ADAMTS15: variants seen among roughly 807,000 people sequenced by gnomAD.
ADAMTS15 encodes the protein A disintegrin and metalloproteinase with thrombospondin motifs 15.
A neutral mutation model predicts 79.1 loss-of-function variants in ADAMTS15; 35 were observed. The observed-to-expected ratio is 0.44, with a 90% CI of 0.34 to 0.59. The LOEUF is 0.59. Ranked by LOEUF, ADAMTS15 falls within the 20% of genes least tolerant of loss-of-function variation. The pLI, the probability that ADAMTS15 is intolerant of heterozygous loss-of-function variation, is 0.02. For synonymous variants in ADAMTS15, 616 were observed against 567.3 expected (o/e 1.09, Z -1.22); for missense variants, 1,324 against 1,318.7 (o/e 1.00, Z -0.06).
chr11:130,463,098 G>C (rs1229984815), intron 4 of ADAMTS15, among the ~76,000 whole-genome samples: 1 of 152,186 alleles, frequency 6.6e-6, no homozygotes, highest in Non-Finnish European at 1.5e-5. Flanking sequence ...AGGAGCTCTG[G>C]GCTCAAAACT....
intron 5 of ADAMTS15, among the ~76,000 whole-genome samples, chr11:130,470,509 G>A (rs1938428306): frequency 6.6e-6 from 1 of 151,936 alleles, no homozygotes; most frequent in Non-Finnish European, 1.5e-5. Flanking sequence ...GAGCCAGTGT[G>A]TCCAGCACTG....
chr11:130,470,162 A>ATATATACATG (rs1938405844), intron 5 of ADAMTS15, among the ~76,000 whole-genome samples: 1 of 56,602 alleles, frequency 1.8e-5, no homozygotes, highest in Non-Finnish European at 3.3e-5. Context: ...GTGTATATAT[A>ATATATACATG]TATATATATA....
At chr11:130,459,314 AC>A (rs1938151923) in intron 1 of ADAMTS15, among the ~76,000 whole-genome samples, 1 of 152,124 alleles carries the variant, frequency 6.6e-6, no homozygotes, top group African/African-American at 2.4e-5. Flanking sequence ...ACAGGTGTGC[AC>A]CATCATGCCT....
chr11:130,468,405 C>T (rs546491664), intron 4 of ADAMTS15, among the ~76,000 whole-genome samples: 27 of 151,672 alleles, frequency 1.8e-4, no homozygotes, highest in Non-Finnish European at 3.7e-4. Context: ...CTGAGAAGGG[C>T]GGATCACTTG....
rs1938487765 is a variant in ADAMTS15 at position 130,472,951 on chromosome 11, C to T, written c.2079-96C>T. On this transcript the variant is annotated intron_variant, in intron 7 of 7. Transcript: ENST00000299164. This position sits in a 1 kb window ranked among gnomAD's most constrained non-coding sequence, Gnocchi z 4.7. The stretch of plus-strand genomic sequence containing the variant: ...GCTTTTACTCCCATGCCAGAATTCA[C>T]CGAAAGCTAGGTTTACTGAGGAAAA... 17 of 1,519,256 alleles carry T rather than the reference C, an allele frequency of 1.1e-5. No homozygotes were observed. Among genetic ancestry groups the T allele is most frequent in the Non-Finnish European group, 1.4e-5 (16 of 1,126,500 alleles). 94.1% of individuals were successfully genotyped at this position (1,519,256 alleles called of 1,614,324 possible). A position where few individuals can be genotyped will look rare whatever the true frequency, so the allele number is the denominator to read the frequency against.
intron 7 of ADAMTS15, 54 bp downstream of exon 7, chr11:130,471,437 T>C (rs1014438235): frequency 6.4e-7 from 1 of 1,569,706 alleles, no homozygotes; most frequent in Non-Finnish European, 8.6e-7. Flanking sequence ...GGAGGTGGAG[T>C]TTCCCAGGGT....
At position 130,470,164 on chromosome 11, in the gene ADAMTS15, A is replaced by ATATATATG. The variant is rs1565397699; in HGVS notation, c.1720+732_1720+733insGTATATAT. Among the ~76,000 whole-genome samples, 164 of 58,210 alleles carry ATATATATG rather than the reference A, an allele frequency of 2.8e-3. 3 individuals are homozygous for ATATATATG. Among genetic ancestry groups the ATATATATG allele is most frequent in the Non-Finnish European group, 4.0e-3 (124 of 31,080 alleles). 38.2% of individuals were successfully genotyped at this position (58,210 alleles called of 152,430 possible). ...TATATATATATATGTGTATATATAT[A>ATATATATG]TATATATATATATATATGTGTGTAT... On this transcript the variant is annotated intron_variant, in intron 5 of 7. Transcript: ENST00000299164.
Position 130,449,076 on chromosome 11 carries a change from A to T in ADAMTS15, c.103A>T (p.Ile35Phe). 1 of 1,577,282 alleles carries T rather than the reference A, an allele frequency of 6.3e-7. No homozygotes were observed. The highest frequency in any genetic ancestry group is 8.6e-7 in the Non-Finnish European group (1 of 1,157,800). Reference sequence around the variant, plus strand: ...CGTTCCCATCCGACTGGACCCGGACATTAACGGCCGCCGCTACTACTGGCG... The same window carrying T: ...CGTTCCCATCCGACTGGACCCGGACTTTAACGGCCGCCGCTACTACTGGCG... ...VVVPIRLDPD[I>F]NGRRYYWRGP... The change falls in exon 1 of 8, where the codon ATT (isoleucine) becomes TTT (phenylalanine). Residue 35 changes from isoleucine (I) to phenylalanine (F), a missense_variant. Transcript: ENST00000299164. The surrounding 1 kb of genome is among the most constrained non-coding windows in gnomAD (Gnocchi z 7.8).
chr11:130,470,184 GTGTATATATATA>G (rs1938415587), intron 5 of ADAMTS15, among the ~76,000 whole-genome samples: 2 of 50,184 alleles, frequency 4.0e-5, no homozygotes, highest in East Asian at 1.0e-3. Flanking sequence ...ATATATATGT[GTGTATATATATA>G]TATATATATA....
intron 1 of ADAMTS15, chr11:130,450,459 G>A: frequency 1.0e-6 from 1 of 984,360 alleles, no homozygotes; most frequent in Non-Finnish European, 1.2e-6. Context: ...TGGAAAGCCT[G>A]GATTGGGGTG....
chr11:130,455,727 C>T (rs1752655574), intron 1 of ADAMTS15, among the ~76,000 whole-genome samples: 3 of 152,186 alleles, frequency 2.0e-5, no homozygotes. Context: ...TGTGTTTAAT[C>T]CACCTTGGAG....
In ADAMTS15 at chr11:130,458,887, A is replaced by C. The variant is rs140761707; in HGVS notation, c.958-2602A>C. On this transcript the variant is annotated intron_variant, in intron 1 of 7. Transcript: ENST00000299164. ...TACACCACACCCGTCCTACACCTAC[A>C]TCCTTCACTATGCCCTTGCAAGAGC... Among the ~76,000 whole-genome samples the C allele has an allele frequency of 8.4e-4, 127 of 150,862 alleles. 1 individual carries two copies. Among genetic ancestry groups the C allele is most frequent in the African/African-American group, 3.0e-3 (122 of 40,426 alleles).
Position 130,472,762 on chromosome 11 carries a change from A to G in ADAMTS15, c.2079-285A>G, listed in dbSNP as rs1438212705. Among the ~76,000 whole-genome samples the G allele has an allele frequency of 2.0e-5, 3 of 149,788 alleles. No individual in the cohort carries two copies. ...TGATGTGTGCCAGGCACCACGCTAC[A>G]TGCTTTCTGTGCTTTGGTGGACTCA... On this transcript the variant is annotated intron_variant, in intron 7 of 7. Transcript: ENST00000299164. The surrounding 1 kb of genome is among the most constrained non-coding windows in gnomAD (Gnocchi z 4.7).
At chr11:130,456,544 G>A (rs1430187675) in intron 1 of ADAMTS15, among the ~76,000 whole-genome samples, 2 of 152,196 alleles carry the variant, frequency 1.3e-5, no homozygotes, top group Non-Finnish European at 2.9e-5. Context: ...AAACAGACAT[G>A]GATTTTGGGC....
At chr11:130,470,189 T>TATATATATATACAC (rs1938417226) in intron 5 of ADAMTS15, among the ~76,000 whole-genome samples, 4 of 49,836 alleles carry the variant, frequency 8.0e-5, no homozygotes, top group African/African-American at 4.1e-4. Context: ...TATGTGTGTA[T>TATATATATATACAC]ATATATATAT....
At chr11:130,457,773 T>C (rs1232287315) in intron 1 of ADAMTS15, among the ~76,000 whole-genome samples, 1 of 152,180 alleles carries the variant, frequency 6.6e-6, no homozygotes, top group Non-Finnish European at 1.5e-5. Context: ...GAGGCACTGC[T>C]GGGCCCCTGT....
rs1357933318 is a variant in ADAMTS15 at position 130,473,853 on chromosome 11, C to T, written c.*32C>T. 26 of 1,557,740 alleles carry T rather than the reference C, an allele frequency of 1.7e-5. No homozygotes were observed. The Admixed American group carries it at 4.2e-4, about 25-fold the overall frequency. ...TCATCGCTTTCTCCCCCTCACTCTC[C>T]ACCCCACTGATATGCCAGCGTTCTG... On this transcript the variant is annotated 3_prime_UTR_variant, in exon 8 of 8. Transcript: ENST00000299164.
Position 130,470,998 on chromosome 11 carries a change from C to A in ADAMTS15, c.1799C>A (p.Ala600Asp). Residue 600 changes from alanine to aspartate, a missense_variant, in exon 6 of 8, where the codon GCC (alanine) becomes GAC (aspartate). By Grantham distance (126) the Ala-to-Asp change is moderately radical (BLOSUM62 -2). Coordinates refer to ENST00000299164, the MANE Select transcript of ADAMTS15 (RefSeq NM_139055.4). ...CACAGCACCAACCGGCTCACTCTCG[C>A]CGTGGCATGGGTGCCCAAGTACTCC... is the stretch of plus-strand genomic sequence containing the variant. Reference protein sequence around the residue: ...YNHSTNRLTLAVAWVPKYSGV... With the variant: ...YNHSTNRLTLDVAWVPKYSGV... 6.2e-7 allele frequency: 1 copy of A among 1,613,872 alleles called. No homozygotes were observed. The highest frequency in any genetic ancestry group is 2.2e-5 in the East Asian group (1 of 44,878).
intron 5 of ADAMTS15, among the ~76,000 whole-genome samples, chr11:130,469,659 A>G (rs1410981654): frequency 2.0e-5 from 3 of 152,212 alleles, no homozygotes; most frequent in African/African-American, 7.2e-5. Context: ...AGAGGTGCAG[A>G]TTCTTCTTGG....
Sources: gnomAD v4.1 joint callset for allele counts (sites outside exome capture counted in the v4.1 genomes callset) on GRCh38, gnomAD v4.1.1 for gene constraint, Gnocchi (gnomAD v3.1) non-coding constraint, MANE v1.5 for transcripts, NCBI Gene and HGNC (gene_info 2026-07-23, HGNC 2026-07-21) for gene names.